The following CLDN18 variants were observed in gnomAD, a reference collection of about 807,000 sequenced individuals.
CLDN18 encodes the protein claudin 18.
A neutral mutation model predicts 25.0 loss-of-function variants in CLDN18; 20 were observed. The ratio of observed to expected loss-of-function variants is 0.80; its 90% CI spans 0.56 to 1.16. The LOEUF (loss-of-function observed/expected upper bound fraction) is 1.16. Ranked by LOEUF, CLDN18 falls within the 50% of genes most tolerant of loss-of-function variation. The probability of loss-of-function intolerance (pLI) is 0.00; values close to 1 mark genes in which losing one functional copy is unlikely to be tolerated. For missense variants in CLDN18, 297 were observed against 345.4 expected (o/e 0.86, Z 1.11); for synonymous variants, 125 against 135.6 (o/e 0.92, Z 0.54).
At chr3:137,999,032 G>C in exon 1 of CLDN18, 1 of 1,614,200 alleles carries the variant, frequency 6.2e-7, no homozygotes, top group East Asian at 2.2e-5. Context: ...TCCTGTGTCC[G>C]AGAGAGCTCT....
intron 1 of CLDN18, among the ~76,000 whole-genome samples, chr3:138,023,360 G>C (rs574327682): frequency 6.6e-6 from 1 of 152,268 alleles, no homozygotes; most frequent in Admixed American, 6.5e-5. Flanking sequence ...AAATGAGGAA[G>C]CTGAAATAGA....
intron 1 of CLDN18, among the ~76,000 whole-genome samples, chr3:138,020,060 T>C (rs1417922897): frequency 1.3e-5 from 2 of 152,198 alleles, no homozygotes; most frequent in African/African-American, 2.4e-5. Flanking sequence ...GCTACTTGCT[T>C]TGTGGCAGTT....
chr3:138,023,896 C>G, intron 2 of CLDN18, 74 bp downstream of exon 2: 1 of 1,435,512 alleles, frequency 7.0e-7, no homozygotes, highest in Non-Finnish European at 9.6e-7. Context: ...AAACATGACT[C>G]CTCCCTACTG....
At chr3:138,020,061 T>C (rs927669333) in intron 1 of CLDN18, among the ~76,000 whole-genome samples, 13 of 152,188 alleles carry the variant, frequency 8.5e-5, no homozygotes, top group Non-Finnish European at 2.9e-5. Context: ...CTACTTGCTT[T>C]GTGGCAGTTT....
In CLDN18 at chr3:138,023,815, T is replaced by C. The variant is rs574364248; in HGVS notation, c.378T>C (p.Ile126=). 1.2e-6 allele frequency: 2 copies of C among 1,612,248 alleles called. No individual in the cohort carries two copies. Among genetic ancestry groups the C allele is most frequent in the South Asian group, 2.2e-5 (2 of 90,896 alleles). The change falls in exon 2 of 5, where the codon ATT becomes ATC. Residue 126 remains isoleucine, a synonymous_variant. Coordinates refer to ENST00000183605, the MANE Select transcript of CLDN18 (RefSeq NM_016369.4). ...CACTGACCTCCGGGATCATGTTCAT[T>C]GTCTCAGGTAAACACAGAGCCTGGA... The part of the protein sequence containing the change: ...NMTLTSGIMF[I]VSGLCAIAGV...
chr3:138,003,983 C>A (rs1263605475), intron 1 of CLDN18, among the ~76,000 whole-genome samples: 1 of 152,064 alleles, frequency 6.6e-6, no homozygotes, highest in East Asian at 1.9e-4. Flanking sequence ...ACCAGCCTGA[C>A]CAACATGGTG....
chr3:138,023,760 G>A lies in CLDN18; in HGVS notation c.323G>A (p.Ser108Asn). The A allele has an allele frequency of 6.2e-7, 1 of 1,614,066 alleles. No individual in the cohort carries two copies. The highest frequency in any genetic ancestry group is 8.5e-7 in the Non-Finnish European group (1 of 1,180,010). ...IFALKCIRIG[S>N]MEDSAKANMT... is the part of the protein sequence containing the mutation. Reference sequence around the variant, plus strand: ...GCCCTGAAATGCATCCGCATTGGCAGCATGGAGGACTCTGCCAAAGCCAAC... The same window carrying A: ...GCCCTGAAATGCATCCGCATTGGCAACATGGAGGACTCTGCCAAAGCCAAC... The change falls in exon 2 of 5, where the codon AGC (serine) becomes AAC (asparagine). Residue 108 changes from serine to asparagine, a missense_variant. Coordinates refer to ENST00000183605, the MANE Select transcript of CLDN18 (RefSeq NM_016369.4).
In CLDN18 at chr3:138,031,083, G is replaced by A. The variant is rs376386414; in HGVS notation, c.728G>A (p.Gly243Glu). 1.2e-5 allele frequency: 19 copies of A among 1,613,998 alleles called. No homozygotes were observed. In the African/African-American group the frequency reaches 1.9e-4, roughly 16 times the overall value. The stretch of plus-strand genomic sequence containing the variant: ...ACCAAAAACAAGAAGATATACGATG[G>A]AGGTGCCCGCACAGAGGACGAGGTA... ...SNTKNKKIYD[G>E]GARTEDEVQS... Residue 243 changes from glycine to glutamate, a missense_variant, in exon 5 of 5, where the codon GGA (glycine) becomes GAA (glutamate). Transcript: ENST00000183605.
At chr3:138,008,500 G>C, upstream of CLDN18, among the ~76,000 whole-genome samples, 1 of 152,112 alleles carries the variant, frequency 6.6e-6, no homozygotes, top group East Asian at 1.9e-4. Context: ...CTAGTCAGGA[G>C]GCTGAGGCAG....
At chr3:137,998,998 T>C in exon 1 of CLDN18, 1 of 1,614,162 alleles carries the variant, frequency 6.2e-7, no homozygotes, top group Non-Finnish European at 8.5e-7. Context: ...AACAGCTGTT[T>C]TCAACTACCA....
At chr3:138,012,841 A>T (rs1010550677) in intron 1 of CLDN18, among the ~76,000 whole-genome samples, 1 of 152,234 alleles carries the variant, frequency 6.6e-6, no homozygotes. Flanking sequence ...GGGCTTTGAC[A>T]CAAGTGTTTG....
At chr3:138,023,194 G>A (rs1942289061) in intron 1 of CLDN18, among the ~76,000 whole-genome samples, 1 of 152,112 alleles carries the variant, frequency 6.6e-6, no homozygotes, top group African/African-American at 2.4e-5. Context: ...TTCCTAAAGT[G>A]GACACAACTA....
intron 1 of CLDN18, among the ~76,000 whole-genome samples, chr3:138,022,180 G>C (rs978714724): frequency 1.3e-5 from 2 of 152,136 alleles, no homozygotes; most frequent in Non-Finnish European, 2.9e-5. Flanking sequence ...CCCCTGGAGA[G>C]AGACTGGCCT....
chr3:138,030,853 T>C (rs766998141), intron 4 of CLDN18, 117 bp from the exon 5 acceptor site: 4 of 938,060 alleles, frequency 4.3e-6, no homozygotes, highest in Non-Finnish European at 6.5e-6. Flanking sequence ...CCCGGACTGA[T>C]GGGTTTCCAG....
At chr3:138,007,556 T>A (rs1332114487), upstream of CLDN18, among the ~76,000 whole-genome samples, 4 of 76,324 alleles carry the variant, frequency 5.2e-5, no homozygotes, top group Admixed American at 1.7e-4. Context: ...GTCGGGGGGG[T>A]GAGGGGAGGG....
intron 1 of CLDN18, among the ~76,000 whole-genome samples, chr3:138,001,892 T>C (rs1942023523): frequency 6.6e-6 from 1 of 152,156 alleles, no homozygotes; most frequent in Non-Finnish European, 1.5e-5. Context: ...CATTTGCAAA[T>C]GTAAGATACA....
intron 3 of CLDN18, among the ~76,000 whole-genome samples, chr3:138,025,100 G>A (rs1416065491): frequency 3.9e-5 from 6 of 152,206 alleles, no homozygotes; most frequent in Non-Finnish European, 7.3e-5. Context: ...ACAGGGAAAC[G>A]TTTGAATAGA....
At chr3:138,015,748 A>G (rs926019863) in intron 1 of CLDN18, among the ~76,000 whole-genome samples, 2 of 152,216 alleles carry the variant, frequency 1.3e-5, no homozygotes. Flanking sequence ...ACATAAATAA[A>G]TAATTATAAT....
intron 2 of CLDN18, 131 bp from the exon 3 acceptor site, chr3:138,024,476 A>G: frequency 1.5e-6 from 1 of 665,966 alleles, no homozygotes; most frequent in Non-Finnish European, 2.7e-6. Context: ...AGAATTCAAT[A>G]ATCAATGCTT....
Sources: gnomAD v4.1 joint callset for allele counts (sites outside exome capture counted in the v4.1 genomes callset) on GRCh38, gnomAD v4.1.1 for gene constraint, MANE v1.5 for transcripts, NCBI Gene and HGNC (gene_info 2026-07-23, HGNC 2026-07-21) for gene names.